The following SIPA1L1 variants were observed in gnomAD, a reference collection of about 807,000 sequenced individuals.
The protein encoded by SIPA1L1 is signal induced proliferation associated 1 like 1.
A neutral mutation model predicts 162.7 loss-of-function variants in SIPA1L1; 26 were observed. The observed-to-expected ratio is 0.16, with a 90% CI of 0.12 to 0.22. The LOEUF is 0.22. SIPA1L1 is among the 10% of genes least tolerant of loss of function. The probability of loss-of-function intolerance (pLI) is 1.00; values close to 1 mark genes in which losing one functional copy is unlikely to be tolerated. For synonymous variants in SIPA1L1, 829 were observed against 837.4 expected, an observed-to-expected ratio of 0.99 and a Z score of 0.17; for missense variants, 1,874 against 2,241.0, an observed-to-expected ratio of 0.84 and a Z score of 3.31.
At chr14:71,672,765 T>G in intron 12 of SIPA1L1, 143 bp downstream of exon 12, 1 of 945,698 alleles carries the variant, frequency 1.1e-6, no homozygotes, top group East Asian at 2.7e-5. Context: ...ATCCATGGAG[T>G]CTGACTCAGG....
intron 17 of SIPA1L1, among the ~76,000 whole-genome samples, chr14:71,714,075 T>C (rs1018211948): frequency 2.5e-4 from 38 of 152,228 alleles, no homozygotes; most frequent in Non-Finnish European, 2.9e-4. Flanking sequence ...GTATGGATCA[T>C]TTTAATTGGC....
rs563620019 is a variant in SIPA1L1, at chr14:71,669,946, C to A, written c.2256-1173C>A. 1.3e-3 allele frequency among the ~76,000 whole-genome samples: 194 copies of A among 152,016 alleles called. 1 individual carries two copies. The highest frequency in any genetic ancestry group is 1.9e-3 in the Non-Finnish European group (128 of 67,988). ...AAAGCTGAATATCTTAAAGCAAACC[C>A]TTCCTAAAGAAAAAAAAGTGAAACA... On this transcript the variant is annotated intron_variant, in intron 10 of 23. Transcript: ENST00000381232.
chr14:71,452,381 G>C (rs761703724), intron 2 of SIPA1L1, among the ~76,000 whole-genome samples: 5 of 152,130 alleles, frequency 3.3e-5, no homozygotes, highest in Non-Finnish European at 7.4e-5. Flanking sequence ...ATTTTTTAGT[G>C]TAGTATTCTA....
At chr14:71,552,109 A>G (rs531519616) in intron 4 of SIPA1L1, among the ~76,000 whole-genome samples, 1 of 152,302 alleles carries the variant, frequency 6.6e-6, no homozygotes, top group South Asian at 2.1e-4. Flanking sequence ...TGTACCCGCC[A>G]TCCTTTCCCC....
chr14:71,554,326 G>T (rs1344527357), intron 4 of SIPA1L1, among the ~76,000 whole-genome samples: 1 of 113,930 alleles, frequency 8.8e-6, no homozygotes, highest in Non-Finnish European at 1.7e-5. Flanking sequence ...CCATGATATT[G>T]AATTTAAAAG....
chr14:71,513,882 C>T (rs1296891412), intron 3 of SIPA1L1, among the ~76,000 whole-genome samples: 1 of 152,132 alleles, frequency 6.6e-6, no homozygotes, highest in Admixed American at 6.6e-5. Flanking sequence ...GCTAGAAACT[C>T]GCAGATAGAT....
chr14:71,666,773 A>T (rs570028660), intron 10 of SIPA1L1, among the ~76,000 whole-genome samples: 2 of 151,648 alleles, frequency 1.3e-5, no homozygotes, highest in Admixed American at 1.3e-4. Flanking sequence ...CTTGACATCC[A>T]CTTAAAATCC....
At chr14:71,440,646 C>CAAAAAAAAA (rs397853535) in intron 2 of SIPA1L1, among the ~76,000 whole-genome samples, 1 of 55,666 alleles carries the variant, frequency 1.8e-5, no homozygotes, top group Non-Finnish European at 3.0e-5. Flanking sequence ...GAACCCATCT[C>CAAAAAAAAA]AAAAAAAAAA....
intron 2 of SIPA1L1, among the ~76,000 whole-genome samples, chr14:71,381,732 C>T (rs2039922039): frequency 6.6e-6 from 1 of 152,104 alleles, no homozygotes; most frequent in African/African-American, 2.4e-5. Flanking sequence ...TTGGCAACTG[C>T]ATTGTGGTGA....
At chr14:71,486,625 A>G (rs1383698646) in intron 2 of SIPA1L1, among the ~76,000 whole-genome samples, 10 of 152,216 alleles carry the variant, frequency 6.6e-5, no homozygotes, top group Non-Finnish European at 1.0e-4. Flanking sequence ...CTGCCATCAA[A>G]TACAACTTTT....
chr14:71,321,898 A>G (rs2140127775), intron 2 of SIPA1L1: 1 of 152,328 alleles, frequency 6.6e-6, no homozygotes, highest in South Asian at 2.1e-4. Flanking sequence ...GACATGGGAA[A>G]TGGCTCACTT....
intron 4 of SIPA1L1, among the ~76,000 whole-genome samples, chr14:71,536,363 A>G (rs1483103723): frequency 3.3e-5 from 5 of 152,232 alleles, no homozygotes; most frequent in African/African-American, 4.8e-5. Context: ...TCTATGAGCA[A>G]TAATGTACTT....
At chr14:71,351,136 T>C (rs2036662006) in intron 2 of SIPA1L1, among the ~76,000 whole-genome samples, 1 of 152,190 alleles carries the variant, frequency 6.6e-6, no homozygotes, top group African/African-American at 2.4e-5. Context: ...GTAGGGGTTG[T>C]GGGGGCAGAA....
intron 13 of SIPA1L1, among the ~76,000 whole-genome samples, chr14:71,686,548 T>A (rs2080878931): frequency 6.6e-6 from 1 of 152,162 alleles, no homozygotes; most frequent in African/African-American, 2.4e-5. Flanking sequence ...TTTTTCTTTC[T>A]TTTTTCTTTT....
intron 4 of SIPA1L1, among the ~76,000 whole-genome samples, chr14:71,562,549 A>G (rs567230873): frequency 6.6e-6 from 1 of 152,334 alleles, no homozygotes; most frequent in African/African-American, 2.4e-5. Flanking sequence ...TAAATGCTCA[A>G]TTAATAGAAT....
intron 4 of SIPA1L1, among the ~76,000 whole-genome samples, chr14:71,544,011 A>G (rs980773571): frequency 1.4e-4 from 21 of 148,718 alleles, no homozygotes; most frequent in East Asian, 1.9e-4. Context: ...GCACATGTAT[A>G]TATACACATA....
intron 3 of SIPA1L1, among the ~76,000 whole-genome samples, chr14:71,522,349 A>T (rs948118259): frequency 4.6e-5 from 7 of 152,034 alleles, no homozygotes; most frequent in African/African-American, 1.2e-4. Flanking sequence ...GGATTCAAGG[A>T]TTGGTGTGTC....
chr14:71,407,118 CTGT>C (rs2042079275), intron 2 of SIPA1L1, among the ~76,000 whole-genome samples: 2 of 152,200 alleles, frequency 1.3e-5, no homozygotes, highest in Admixed American at 1.3e-4. Flanking sequence ...TGGCGCATGC[CTGT>C]AATCCCAGCT....
intron 12 of SIPA1L1, among the ~76,000 whole-genome samples, chr14:71,674,052 C>T (rs2044815184): frequency 1.3e-5 from 2 of 152,204 alleles, no homozygotes; most frequent in South Asian, 2.1e-4. Flanking sequence ...AAATTGTCTA[C>T]TTTATTGCTT....
Sources: allele counts gnomAD v4.1 joint callset (sites outside exome capture counted in the v4.1 genomes callset), GRCh38; gene constraint gnomAD v4.1.1; transcripts MANE v1.5; gene names NCBI Gene and HGNC (gene_info 2026-07-23, HGNC 2026-07-21).